EXOC6B: variants seen among roughly 807,000 people sequenced by gnomAD.
EXOC6B encodes exocyst complex component 6B.
In EXOC6B, 54 loss-of-function variants were observed where a neutral mutation model predicts 113.5. The ratio of observed to expected loss-of-function variants is 0.48; its 90% CI spans 0.38 to 0.60. The LOEUF (loss-of-function observed/expected upper bound fraction) is 0.60. EXOC6B is among the 20% of genes least tolerant of loss of function. The probability of loss-of-function intolerance (pLI) is 0.00; values close to 1 mark genes in which losing one functional copy is unlikely to be tolerated. For missense variants in EXOC6B, 797 were observed against 977.5 expected (o/e 0.82, Z 2.46); for synonymous variants, 357 against 339.0 (o/e 1.05, Z -0.58).
intron 1 of EXOC6B, among the ~76,000 whole-genome samples, chr2:72,762,415 T>C (rs1174323041): frequency 6.7e-6 from 1 of 150,232 alleles, no homozygotes; most frequent in African/African-American, 2.5e-5. Context: ...TAAAGAAAAA[T>C]AAACCTTAAA....
intron 6 of EXOC6B, among the ~76,000 whole-genome samples, chr2:72,636,365 G>GAAGGAAGC (rs768811307): frequency 8.2e-6 from 1 of 121,924 alleles, no homozygotes; most frequent in Non-Finnish European, 1.6e-5. Context: ...AGGAAGGAAG[G>GAAGGAAGC]AAGGAAGCAA....
intron 8 of EXOC6B, among the ~76,000 whole-genome samples, chr2:72,523,594 C>A (rs969545165): frequency 1.3e-5 from 2 of 151,860 alleles, no homozygotes; most frequent in Admixed American, 6.6e-5. Flanking sequence ...CTGGCTAACA[C>A]GGTGAAACCC....
At chr2:72,639,030 T>C (rs1673047150) in intron 6 of EXOC6B, among the ~76,000 whole-genome samples, 1 of 152,116 alleles carries the variant, frequency 6.6e-6, no homozygotes, top group Non-Finnish European at 1.5e-5. Flanking sequence ...AGAGCTTGAG[T>C]AGGGCAGCCC....
intron 8 of EXOC6B, among the ~76,000 whole-genome samples, chr2:72,524,530 T>A (rs768784512): frequency 5.9e-5 from 9 of 152,148 alleles, no homozygotes; most frequent in Non-Finnish European, 1.2e-4. Context: ...TTTACCTATA[T>A]AATAAACCTG....
chr2:72,268,749 T>C (rs1684293439), intron 20 of EXOC6B, among the ~76,000 whole-genome samples: 1 of 152,020 alleles, frequency 6.6e-6, no homozygotes, highest in African/African-American at 2.4e-5. Flanking sequence ...AATCTGGTTA[T>C]TTAAAGGAGT....
chr2:72,251,142 T>C (rs145731674), intron 20 of EXOC6B, among the ~76,000 whole-genome samples: 1 of 152,312 alleles, frequency 6.6e-6, no homozygotes, highest in East Asian at 1.9e-4. Flanking sequence ...CTTTTTTTCC[T>C]TTTGCTGTCT....
intron 1 of EXOC6B, among the ~76,000 whole-genome samples, chr2:72,789,570 T>C (rs1684561924): frequency 6.6e-6 from 1 of 152,332 alleles, no homozygotes; most frequent in African/African-American, 2.4e-5. Flanking sequence ...GTTTGTATCA[T>C]GATTAATGTT....
chr2:72,179,611 C>G, intron 21 of EXOC6B, 150 bp from the exon 22 acceptor site: 1 of 915,488 alleles, frequency 1.1e-6, no homozygotes, highest in Admixed American at 2.3e-5. Context: ...CCCACACTCA[C>G]CTACTCATCA....
intron 6 of EXOC6B, among the ~76,000 whole-genome samples, chr2:72,671,170 C>T (rs1018074255): frequency 2.6e-5 from 4 of 152,062 alleles, no homozygotes; most frequent in Non-Finnish European, 5.9e-5. Context: ...AACAGGATTA[C>T]ATTAAGCTAA....
intron 8 of EXOC6B, among the ~76,000 whole-genome samples, chr2:72,526,883 G>A (rs1379690803): frequency 1.3e-5 from 2 of 151,788 alleles, no homozygotes; most frequent in African/African-American, 4.8e-5. Context: ...ATAGTTATAG[G>A]AAATAACAGA....
intron 20 of EXOC6B, among the ~76,000 whole-genome samples, chr2:72,260,539 T>C (rs1205783767): frequency 3.3e-5 from 5 of 152,154 alleles, no homozygotes; most frequent in Non-Finnish European, 7.4e-5. Context: ...CCATGGCCAA[T>C]AATCTAGACA....
chr2:72,757,854 A>G (rs1327396781), intron 1 of EXOC6B, among the ~76,000 whole-genome samples: 1 of 152,112 alleles, frequency 6.6e-6, no homozygotes, highest in Non-Finnish European at 1.5e-5. Context: ...TCATGATATC[A>G]AAATGGTTTT....
chr2:72,426,306 T>G (rs1695193552), intron 18 of EXOC6B, among the ~76,000 whole-genome samples: 1 of 152,222 alleles, frequency 6.6e-6, no homozygotes, highest in Non-Finnish European at 1.5e-5. Context: ...AATCTCTTCC[T>G]TGATCTCTTA....
chr2:72,458,619 C>T (rs1233932906), intron 18 of EXOC6B, among the ~76,000 whole-genome samples: 2 of 152,042 alleles, frequency 1.3e-5, no homozygotes. Context: ...TCAACTCTAT[C>T]CACACTGAGA....
intron 7 of EXOC6B, among the ~76,000 whole-genome samples, chr2:72,563,861 T>TA (rs1704021170): frequency 1.3e-5 from 2 of 152,088 alleles, no homozygotes; most frequent in Admixed American, 1.3e-4. Flanking sequence ...CTTTACATAT[T>TA]AAAAAAAGGA....
intron 20 of EXOC6B, among the ~76,000 whole-genome samples, chr2:72,315,796 G>T (rs956588954): frequency 6.6e-6 from 1 of 152,028 alleles, no homozygotes; most frequent in Non-Finnish European, 1.5e-5. Flanking sequence ...GGGGGCAATG[G>T]GGAAATCGGG....
At chr2:72,474,558 T>C (rs1447159859) in intron 17 of EXOC6B, among the ~76,000 whole-genome samples, 4 of 151,978 alleles carry the variant, frequency 2.6e-5, no homozygotes, top group African/African-American at 4.8e-5. Context: ...ATTTTGAACA[T>C]ATTTTGCATT....
rs552717683 is a variant in EXOC6B, at chr2:72,734,883, C to A, written c.280-1765G>T. Among the ~76,000 whole-genome samples the A allele has an allele frequency of 2.0e-5, 3 of 152,298 alleles. No homozygotes were observed. The East Asian group carries it at 5.8e-4, about 29-fold the overall frequency. ...GGGGAAAAATATTCACTTGGAGACA[C>A]TATACCCCATACCTGGACCCTATAT... On this transcript the variant is annotated intron_variant, in intron 2 of 21. Transcript: ENST00000272427.
Position 72,178,714 on chromosome 2 carries a change from G to C in EXOC6B, c.*621C>G, listed in dbSNP as rs1431314277. 1 of 152,226 alleles carries C rather than the reference G, an allele frequency of 6.6e-6. No individual in the cohort carries two copies. Among genetic ancestry groups the C allele is most frequent in the Non-Finnish European group, 1.5e-5 (1 of 68,060 alleles). 9.4% of individuals were successfully genotyped at this position (152,226 alleles called of 1,614,324 possible). On this transcript the variant is annotated 3_prime_UTR_variant, in exon 22 of 22. Transcript: ENST00000272427. Reference sequence around the variant, plus strand: ...CTAGAAAAAATTGCAATAAAAGCCTGGGGTTAGATCAGGCTAAAGAAACCG... The same window carrying C: ...CTAGAAAAAATTGCAATAAAAGCCTCGGGTTAGATCAGGCTAAAGAAACCG...
Sources: allele counts gnomAD v4.1 joint callset (sites outside exome capture counted in the v4.1 genomes callset), GRCh38; gene constraint gnomAD v4.1.1; transcripts MANE v1.5; gene names NCBI Gene and HGNC (gene_info 2026-07-23, HGNC 2026-07-21).